MTRF1: variants seen among roughly 807,000 people sequenced by gnomAD.
MTRF1 encodes the protein mitochondrial translation release factor 1, also known as peptide chain release factor 1, mitochondrial.
A neutral mutation model predicts 62.9 loss-of-function variants in MTRF1; 51 were observed. The observed-to-expected ratio is 0.81, with a 90% confidence interval of 0.65 to 1.02. MTRF1 has a LOEUF of 1.02. MTRF1 is among the 50% of genes least tolerant of loss of function. The pLI, the probability that MTRF1 is intolerant of heterozygous loss-of-function variation, is 0.00. For synonymous variants in MTRF1, 158 were observed against 181.9 expected, an observed-to-expected ratio of 0.87 and a Z score of 1.06; for missense variants, 446 against 530.0, an observed-to-expected ratio of 0.84 and a Z score of 1.56.
In MTRF1 at chr13:41,218,281, A is replaced by ATTTTTT. The variant is rs199717534; in HGVS notation, c.1225-1059_1225-1054dup. Among the ~76,000 whole-genome samples, 74 of 117,854 alleles carry ATTTTTT rather than the reference A, an allele frequency of 6.3e-4. 1 individual carries two copies. Among genetic ancestry groups the ATTTTTT allele is most frequent in the African/African-American group, 2.1e-3 (65 of 31,542 alleles). The allele number at this position is 117,854 out of a possible 152,430, so 77.3% of individuals were successfully genotyped here. ...CAGGCACATGCTACACACCCAGCTA[A>ATTTTTT]TTTTTTTTTTTTTTTTTTTTTTTTT... is the stretch of plus-strand genomic sequence containing the variant. On this transcript the variant is annotated intron_variant, in intron 9 of 9. Coordinates refer to ENST00000379480, the MANE Select transcript of MTRF1 (RefSeq NM_004294.4).
At chr13:41,263,780 G>C (rs2040728247), upstream of MTRF1, among the ~76,000 whole-genome samples, 1 of 135,708 alleles carries the variant, frequency 7.4e-6, no homozygotes, top group South Asian at 2.7e-4. Flanking sequence ...CAGAGCGTGA[G>C]CCCAGAGCGG....
chr13:41,266,278 T>C (rs909387275), upstream of MTRF1, among the ~76,000 whole-genome samples: 2 of 152,170 alleles, frequency 1.3e-5, no homozygotes, highest in African/African-American at 4.8e-5. Flanking sequence ...TTTTTTGTTA[T>C]GGCAGCCAAG....
At chr13:41,311,598 C>G in the MTRF1 span, 1 of 1,600,230 alleles carries the variant, frequency 6.2e-7, no homozygotes, top group Non-Finnish European at 8.5e-7. Flanking sequence ...TGGCCGTAGG[C>G]CGCGCTGCCG....
chr13:41,227,110 G>A (rs2034572677), intron 7 of MTRF1, among the ~76,000 whole-genome samples: 1 of 152,066 alleles, frequency 6.6e-6, no homozygotes, highest in Admixed American at 6.6e-5. Flanking sequence ...ATAACACAGT[G>A]AAACCCCATC....
the MTRF1 span, among the ~76,000 whole-genome samples, chr13:41,274,238 A>G: frequency 6.6e-6 from 1 of 152,208 alleles, no homozygotes; most frequent in Non-Finnish European, 1.5e-5. Flanking sequence ...TACTGGATTA[A>G]TGATTAATTA....
intron 6 of MTRF1, among the ~76,000 whole-genome samples, chr13:41,237,878 C>T (rs2036923911): frequency 6.6e-6 from 1 of 151,872 alleles, no homozygotes; most frequent in South Asian, 2.1e-4. Context: ...TTAGTAATGT[C>T]GATATTATAA....
At chr13:41,272,525 C>T in the MTRF1 span, among the ~76,000 whole-genome samples, 31 of 152,124 alleles carry the variant, frequency 2.0e-4, no homozygotes, top group African/African-American at 7.5e-4. Context: ...TAGAGTTGGT[C>T]AAATCTGATG....
the MTRF1 span, among the ~76,000 whole-genome samples, chr13:41,310,300 T>G: frequency 1.3e-5 from 2 of 152,148 alleles, no homozygotes; most frequent in African/African-American, 4.8e-5. Context: ...GTTTCTCCCA[T>G]TATTATATGG....
chr13:41,280,354 T>A, the MTRF1 span, among the ~76,000 whole-genome samples: 2 of 152,216 alleles, frequency 1.3e-5, no homozygotes, highest in African/African-American at 4.8e-5. Context: ...GCCCCCCGGC[T>A]TAGAGTTGTC....
the MTRF1 span, among the ~76,000 whole-genome samples, chr13:41,271,268 G>A: frequency 1.3e-5 from 2 of 152,142 alleles, no homozygotes; most frequent in South Asian, 4.1e-4. Context: ...GAGTTTGCAG[G>A]TTGACCTTAG....
At chr13:41,261,719 G>A in intron 1 of MTRF1, 1 of 800,964 alleles carries the variant, frequency 1.2e-6, no homozygotes, top group Non-Finnish European at 1.5e-6. Flanking sequence ...TCGGCTGGAT[G>A]GAGACAGAGC....
In MTRF1 at chr13:41,216,937, T is replaced by TA; in HGVS notation, c.*177dup. 2 of 416,136 alleles carry TA rather than the reference T, an allele frequency of 4.8e-6. No individual in the cohort carries two copies. The highest frequency in any genetic ancestry group is 1.1e-4 in the South Asian group (2 of 18,194). 25.8% of individuals were successfully genotyped at this position (416,136 alleles called of 1,614,324 possible). On this transcript the variant is annotated 3_prime_UTR_variant, in exon 10 of 10. Transcript: ENST00000379480. ...GTTGGATTGTACTTTACAGGAAACC[T>TA]AAAATAAATTCTTAGGTCAGGAAAT...
chr13:41,282,354 A>G, the MTRF1 span, among the ~76,000 whole-genome samples: 1 of 152,212 alleles, frequency 6.6e-6, no homozygotes, highest in South Asian at 2.1e-4. Flanking sequence ...CTACTTGTGA[A>G]GCCGAGGCAG....
chr13:41,260,816 C>A lies in MTRF1; in HGVS notation c.92G>T (p.Arg31Ile), dbSNP rs750381196. The part of the protein sequence containing the change: ...CHIQLHSHQF[R>I]QIHLDTRLQV... ...CAGCCTTGTATCAAGATGTATCTGTCTAAATTGATGAGAATGGAGCTGGAT... is the reference window on the plus strand; with the variant it reads ...CAGCCTTGTATCAAGATGTATCTGTATAAATTGATGAGAATGGAGCTGGAT... The change falls in exon 2 of 10, where the codon AGA (arginine) becomes ATA (isoleucine). Residue 31 changes from arginine to isoleucine, a missense_variant. Arg to Ile is a moderately conservative substitution (Grantham distance 97). Transcript: ENST00000379480. 2.7e-5 allele frequency: 43 copies of A among 1,614,042 alleles called. No individual in the cohort carries two copies. Among genetic ancestry groups the A allele is most frequent in the Non-Finnish European group, 3.5e-5 (41 of 1,179,992 alleles).
the MTRF1 span, among the ~76,000 whole-genome samples, chr13:41,276,182 T>A: frequency 6.6e-6 from 1 of 152,158 alleles, no homozygotes; most frequent in Non-Finnish European, 1.5e-5. Context: ...AGTTCCTTTT[T>A]TTTTTTTAGA....
upstream of MTRF1, among the ~76,000 whole-genome samples, chr13:41,267,393 A>G (rs192045876): frequency 2.0e-5 from 3 of 152,282 alleles, no homozygotes; most frequent in Admixed American, 1.3e-4. Context: ...GGAGTCTCTT[A>G]AAAGTTATGT....
the MTRF1 span, chr13:41,311,580 TTGGTGAGTG>T: frequency 6.2e-7 from 1 of 1,607,256 alleles, no homozygotes; most frequent in Non-Finnish European, 8.5e-7. Flanking sequence ...CAAACGCATC[TTGGTGAGTG>T]GCCGTAGGCC....
intron 5 of MTRF1, among the ~76,000 whole-genome samples, chr13:41,245,170 C>G (rs1013609181): frequency 6.6e-6 from 1 of 150,962 alleles, no homozygotes; most frequent in Non-Finnish European, 1.5e-5. Flanking sequence ...AATGATTTTT[C>G]TTTGCTTTCT....
At chr13:41,261,665 C>G (rs2040469392) in intron 1 of MTRF1, 3 of 263,348 alleles carry the variant, frequency 1.1e-5, no homozygotes, top group South Asian at 2.9e-4. Flanking sequence ...CTTTAAGGAT[C>G]TAGATATCCA....
Sources: allele counts gnomAD v4.1 joint callset (sites outside exome capture counted in the v4.1 genomes callset), GRCh38; gene constraint gnomAD v4.1.1; transcripts MANE v1.5; gene names NCBI Gene and HGNC (gene_info 2026-07-23, HGNC 2026-07-21).